The following SORBS2 variants were observed in gnomAD, a reference collection of about 807,000 sequenced individuals.
SORBS2 encodes the protein sorbin and SH3 domain containing 2, also known as sorbin and SH3 domain-containing protein 2.
Under a neutral mutation model 97.7 loss-of-function variants are expected in SORBS2, and 46 were observed. That is an observed-to-expected ratio of 0.47 (90% CI 0.37 to 0.60). SORBS2 has a LOEUF of 0.60. Ranked by LOEUF, SORBS2 falls within the 20% of genes least tolerant of loss-of-function variation. The probability of loss-of-function intolerance (pLI) is 0.00; values close to 1 mark genes in which losing one functional copy is unlikely to be tolerated. For missense variants in SORBS2, 1,316 were observed against 1,282.3 expected (o/e 1.03, Z -0.40); for synonymous variants, 476 against 473.4 (o/e 1.01, Z -0.07).
In SORBS2 at chr4:185,734,620, C is replaced by T. The variant is rs113594249; in HGVS notation, c.-198+40607G>A. 9.8e-3 allele frequency among the ~76,000 whole-genome samples: 1,485 copies of T among 152,288 alleles called. 34 individuals are homozygous for T. Among genetic ancestry groups the T allele is most frequent in the African/African-American group, 0.034 (1,413 of 41,540 alleles). ...CAAAGGCCATAGTGTTAATATCCCT[C>T]GCATCTGCCGTTCCCACCTCCTCCT... On this transcript the variant is annotated intron_variant, in intron 2 of 20. Coordinates refer to the SORBS2 transcript ENST00000284776.
chr4:185,853,424 C>T (rs923658714), intron 1 of SORBS2, among the ~76,000 whole-genome samples: 11 of 152,108 alleles, frequency 7.2e-5, no homozygotes, highest in Non-Finnish European at 1.2e-4. Context: ...AGAATTTCTA[C>T]GACACCCCAA....
At chr4:185,716,397 G>A (rs1169665640) in intron 2 of SORBS2, among the ~76,000 whole-genome samples, 1 of 152,206 alleles carries the variant, frequency 6.6e-6, no homozygotes, top group Admixed American at 6.5e-5. Flanking sequence ...GGACCCAGTG[G>A]ATGCGTATAC....
intron 2 of SORBS2, among the ~76,000 whole-genome samples, chr4:185,720,118 G>A (rs778632049): frequency 1.3e-5 from 2 of 152,312 alleles, no homozygotes; most frequent in South Asian, 4.1e-4. Flanking sequence ...GCCATGTTTA[G>A]CGCTGAGAAA....
chr4:185,815,889 A>G (rs569779258), intron 1 of SORBS2, among the ~76,000 whole-genome samples: 14 of 152,364 alleles, frequency 9.2e-5, no homozygotes, highest in South Asian at 2.1e-4. Context: ...TTCAAGATAC[A>G]AAGTTTTAAA....
intron 12 of SORBS2, among the ~76,000 whole-genome samples, chr4:185,597,686 G>C (rs1013233096): frequency 6.6e-6 from 1 of 152,128 alleles, no homozygotes; most frequent in South Asian, 2.1e-4. Flanking sequence ...AGATTATCTG[G>C]GGAGACTGTC....
intron 1 of SORBS2, among the ~76,000 whole-genome samples, chr4:185,879,170 C>CT (rs1554045438): frequency 1.0e-5 from 1 of 98,756 alleles, no homozygotes; most frequent in Non-Finnish European, 2.1e-5. Context: ...ATCCCTCCCC[C>CT]CCCCCCACCC....
intron 8 of SORBS2, 48 bp from the exon 21 acceptor site, chr4:185,618,679 C>A: frequency 1.5e-6 from 2 of 1,334,816 alleles, no homozygotes; most frequent in South Asian, 3.2e-5. Flanking sequence ...TTTGAATTTT[C>A]TACAAGAAAG....
intron 12 of SORBS2, among the ~76,000 whole-genome samples, chr4:185,609,614 G>A (rs1450916689): frequency 1.3e-5 from 2 of 152,102 alleles, no homozygotes; most frequent in Admixed American, 6.5e-5. Flanking sequence ...TTTTCCAAAA[G>A]CATCAGAATT....
At chr4:185,608,627 C>T (rs1049072951) in intron 12 of SORBS2, among the ~76,000 whole-genome samples, 1 of 152,144 alleles carries the variant, frequency 6.6e-6, no homozygotes, top group Non-Finnish European at 1.5e-5. Flanking sequence ...ATATACACCC[C>T]ATATGTACCC....
intron 1 of SORBS2, among the ~76,000 whole-genome samples, chr4:185,792,166 C>T (rs1233747469): frequency 6.6e-6 from 1 of 152,160 alleles, no homozygotes; most frequent in Non-Finnish European, 1.5e-5. Context: ...CTAGATACAT[C>T]TCCTTATTTT....
intron 2 of SORBS2, among the ~76,000 whole-genome samples, chr4:185,743,798 C>T (rs1030117680): frequency 3.4e-5 from 5 of 148,092 alleles, no homozygotes; most frequent in African/African-American, 1.2e-4. Flanking sequence ...CTTCTTATTC[C>T]TCTTCCTCCT....
At chr4:185,939,796 T>C (rs1045695246) in intron 1 of SORBS2, among the ~76,000 whole-genome samples, 9 of 152,102 alleles carry the variant, frequency 5.9e-5, no homozygotes, top group Middle Eastern at 3.4e-3. Flanking sequence ...AGGCATGAGC[T>C]ACCACGCCTG....
upstream of SORBS2, among the ~76,000 whole-genome samples, chr4:185,661,138 C>T (rs1812361): frequency 0.95 from 143,862 of 151,912 alleles, 68,148 homozygotes; most frequent in African/African-American, 0.96. Context: ...TAGCTGGGTG[C>T]GGTGGCGGGC....
chr4:185,927,265 T>A (rs1212502579), intron 1 of SORBS2, among the ~76,000 whole-genome samples: 1 of 151,358 alleles, frequency 6.6e-6, no homozygotes, highest in Non-Finnish European at 1.5e-5. Context: ...GAGCACTCAG[T>A]CCTTTTTTTT....
chr4:185,683,535 G>C (rs921057399), intron 2 of SORBS2, among the ~76,000 whole-genome samples: 25 of 152,076 alleles, frequency 1.6e-4, no homozygotes, highest in African/African-American at 5.6e-4. Flanking sequence ...AAATACATCT[G>C]TAGTTTTTCT....
chr4:185,722,538 G>T (rs1204877333), intron 2 of SORBS2, among the ~76,000 whole-genome samples: 2 of 152,222 alleles, frequency 1.3e-5, no homozygotes, highest in Middle Eastern at 3.4e-3. Flanking sequence ...TTGCAGAATG[G>T]TACTCTACAA....
chr4:185,804,547 G>A (rs951374923), intron 1 of SORBS2, among the ~76,000 whole-genome samples: 3 of 152,146 alleles, frequency 2.0e-5, no homozygotes, highest in Non-Finnish European at 4.4e-5. Context: ...TGCAGAAAAT[G>A]TTTCTGAGAA....
chr4:185,784,729 G>C (rs1288709279), intron 1 of SORBS2, among the ~76,000 whole-genome samples: 1 of 152,122 alleles, frequency 6.6e-6, no homozygotes, highest in Non-Finnish European at 1.5e-5. Flanking sequence ...TATTAGGCCT[G>C]CCATTAAGAT....
chr4:185,730,990 A>G (rs1481096518), intron 2 of SORBS2, among the ~76,000 whole-genome samples: 1 of 152,226 alleles, frequency 6.6e-6, no homozygotes, highest in Admixed American at 6.5e-5. Flanking sequence ...ACCATTCAAC[A>G]GAATGCTGTT....
Sources: allele counts gnomAD v4.1 joint callset (sites outside exome capture counted in the v4.1 genomes callset), GRCh38; gene constraint gnomAD v4.1.1; transcripts MANE v1.5; gene names NCBI Gene and HGNC (gene_info 2026-07-23, HGNC 2026-07-21).